SMTNL2: variants seen among roughly 807,000 people sequenced by gnomAD.
SMTNL2 encodes smoothelin like 2.
Under a neutral mutation model 44.1 loss-of-function variants are expected in SMTNL2, and 43 were observed. That is an observed-to-expected ratio of 0.98 (90% CI 0.76 to 1.26). The LOEUF is 1.26. SMTNL2 is among the 50% of genes most tolerant of loss of function. SMTNL2 has a pLI of 0.00. For missense variants in SMTNL2, 646 were observed against 670.2 expected (o/e 0.96, Z 0.40); for synonymous variants, 317 against 287.6 (o/e 1.10, Z -1.03).
chr17:4,588,426 T>TG (rs1226121762), intron 1 of SMTNL2, among the ~76,000 whole-genome samples: 2 of 152,168 alleles, frequency 1.3e-5, no homozygotes, highest in African/African-American at 2.4e-5. Context: ...TGGGGAATCT[T>TG]GGGGGGTACC....
chr17:4,601,832 T>G (rs1349786420), intron 7 of SMTNL2, among the ~76,000 whole-genome samples: 2 of 152,178 alleles, frequency 1.3e-5, no homozygotes, highest in African/African-American at 2.4e-5. Context: ...TTTGAATCAT[T>G]AAAACAAACC....
At chr17:4,584,283 G>T (rs980752055), upstream of SMTNL2, among the ~76,000 whole-genome samples, 1 of 152,170 alleles carries the variant, frequency 6.6e-6, no homozygotes. Flanking sequence ...TACGGTCCAG[G>T]GGGGCCAGGG....
intron 7 of SMTNL2, among the ~76,000 whole-genome samples, chr17:4,605,025 G>A (rs1239334498): frequency 6.6e-6 from 1 of 152,058 alleles, no homozygotes; most frequent in Non-Finnish European, 1.5e-5. Context: ...GCAATGGGAG[G>A]AGTCGGGGTT....
chr17:4,586,364 A>C (rs62066423), intron 1 of SMTNL2, among the ~76,000 whole-genome samples: 1,671 of 152,286 alleles, frequency 0.011, 30 homozygotes, highest in Admixed American at 0.043. Flanking sequence ...CTGTGAGCTC[A>C]CACGTGCCTC....
At position 4,592,609 on chromosome 17, in the gene SMTNL2, T is replaced by C. The variant is rs1209774592; in HGVS notation, c.487+161T>C. 6.6e-6 allele frequency among the ~76,000 whole-genome samples: 1 copy of C among 151,930 alleles called. No individual in the cohort carries two copies. Among genetic ancestry groups the C allele is most frequent in the East Asian group, 1.9e-4 (1 of 5,164 alleles). On this transcript the variant is annotated intron_variant, in intron 2 of 7. Coordinates refer to ENST00000389313, the MANE Select transcript of SMTNL2 (RefSeq NM_001114974.2). The surrounding 1 kb of genome is among the most constrained non-coding windows in gnomAD (Gnocchi z 4.5). ...CTGCCAGGAGAGCAGCGTCATTCAGTAGAACTTGTGAAACACAGAGGGAAG... is the reference window on the plus strand; with the variant it reads ...CTGCCAGGAGAGCAGCGTCATTCAGCAGAACTTGTGAAACACAGAGGGAAG...
Position 4,584,562 on chromosome 17 carries a change from C to T in SMTNL2, c.-44C>T. 2 of 1,217,480 alleles carry T rather than the reference C, an allele frequency of 1.6e-6. No individual in the cohort carries two copies. Among genetic ancestry groups the T allele is most frequent in the East Asian group, 3.3e-5 (1 of 30,078 alleles). 75.4% of individuals were successfully genotyped at this position (1,217,480 alleles called of 1,614,324 possible). A position where few individuals can be genotyped will look rare whatever the true frequency, so the allele number is the denominator to read the frequency against. On this transcript the variant is annotated 5_prime_UTR_variant, in exon 1 of 8. Coordinates refer to ENST00000389313, the MANE Select transcript of SMTNL2 (RefSeq NM_001114974.2). ...CCCGGAGCTGCGGAGCTCGGATCTTCTCCCCCGTCTGGCCCGCTCTCGACC... is the reference window on the plus strand; with the variant it reads ...CCCGGAGCTGCGGAGCTCGGATCTTTTCCCCCGTCTGGCCCGCTCTCGACC...
chr17:4,597,108 A>G (rs983175136), intron 6 of SMTNL2, 64 bp from the exon 7 acceptor site: 15 of 1,576,484 alleles, frequency 9.5e-6, no homozygotes, highest in Non-Finnish European at 1.3e-5. Flanking sequence ...GAACCACGGT[A>G]ATTATGCCTT....
chr17:4,596,990 T>C lies in SMTNL2; in HGVS notation c.1107+13T>C. ...GCTGGGCTACCAGGTGAGCCCCGGCTCCCCTCCGGCTGCTGGGACGCCCCA... is the reference window on the plus strand; with the variant it reads ...GCTGGGCTACCAGGTGAGCCCCGGCCCCCCTCCGGCTGCTGGGACGCCCCA... On this transcript the variant is annotated intron_variant, in intron 6 of 7. Transcript: ENST00000389313. 1.3e-6 allele frequency: 2 copies of C among 1,491,264 alleles called. No homozygotes were observed. The highest frequency in any genetic ancestry group is 1.8e-6 in the Non-Finnish European group (2 of 1,113,824). The allele number at this position is 1,491,264 out of a possible 1,614,324, so 92.4% of individuals were successfully genotyped here. A position where few individuals can be genotyped will look rare whatever the true frequency, so the allele number is the denominator to read the frequency against.
intron 4 of SMTNL2, among the ~76,000 whole-genome samples, chr17:4,594,253 A>T (rs1909707412): frequency 6.6e-6 from 1 of 152,172 alleles, no homozygotes; most frequent in Non-Finnish European, 1.5e-5. Context: ...GTTCGAGACC[A>T]GACTGGCCAA....
chr17:4,584,613 C>A lies in SMTNL2; in HGVS notation c.8C>A (p.Pro3Gln). 1 of 1,241,520 alleles carries A rather than the reference C, an allele frequency of 8.1e-7. No individual in the cohort carries two copies. Among genetic ancestry groups the A allele is most frequent in the Non-Finnish European group, 1.0e-6 (1 of 993,616 alleles). 76.9% of individuals were successfully genotyped at this position (1,241,520 alleles called of 1,614,324 possible). A position where few individuals can be genotyped will look rare whatever the true frequency, so the allele number is the denominator to read the frequency against. ME[P>Q]APDAQEARTV... is the part of the protein sequence containing the mutation. ...CGCGCGCTCTGCTGGGCCATGGAGC[C>A]GGCCCCCGACGCCCAGGAGGCGCGC... Residue 3 changes from proline (P) to glutamine (Q), a missense_variant, in exon 1 of 8, where the codon CCG becomes CAG. Transcript: ENST00000389313.
chr17:4,604,965 C>T (rs1340487045), intron 7 of SMTNL2, among the ~76,000 whole-genome samples: 2 of 152,082 alleles, frequency 1.3e-5, no homozygotes, highest in African/African-American at 4.8e-5. Flanking sequence ...GCCACCGTGC[C>T]CGGCCAGTAT....
At chr17:4,604,923 G>A (rs1350504482) in intron 7 of SMTNL2, among the ~76,000 whole-genome samples, 4 of 151,794 alleles carry the variant, frequency 2.6e-5, no homozygotes, top group African/African-American at 7.3e-5. Flanking sequence ...TGCCCGCCTC[G>A]GCTTCCTAAA....
At chr17:4,588,532 G>T (rs1024381728) in intron 1 of SMTNL2, among the ~76,000 whole-genome samples, 67 of 152,290 alleles carry the variant, frequency 4.4e-4, no homozygotes, top group Non-Finnish European at 8.2e-4. Flanking sequence ...GTTTCCTTCC[G>T]CATGACGGCG....
Position 4,595,558 on chromosome 17 carries a change from G to T in SMTNL2, c.989+231G>T, listed in dbSNP as rs1472022745. 6.6e-6 allele frequency among the ~76,000 whole-genome samples: 1 copy of T among 152,232 alleles called. No homozygotes were observed. The highest frequency in any genetic ancestry group is 1.5e-5 in the Non-Finnish European group (1 of 68,034). ...AGATGGCTGTGAGGCAGGGAGCCAGGAAGGCTTGGTGAGAGCCCCTCTCTC... is the reference window on the plus strand; with the variant it reads ...AGATGGCTGTGAGGCAGGGAGCCAGTAAGGCTTGGTGAGAGCCCCTCTCTC... On this transcript the variant is annotated intron_variant, in intron 5 of 7. Transcript: ENST00000389313. This position sits in a 1 kb window ranked among gnomAD's most constrained non-coding sequence, Gnocchi z 5.1.
chr17:4,593,874 G>A lies in SMTNL2; in HGVS notation c.783G>A (p.Val261=). Residue 261 remains valine, a synonymous_variant, in exon 4 of 8, where the codon GTG becomes GTA. Transcript: ENST00000389313. ...TGCCAAGCTCTGGCTATGGGGCAGTGACAGCAAGCAAACACAGCAATAGGT... is the reference window on the plus strand; with the variant it reads ...TGCCAAGCTCTGGCTATGGGGCAGTAACAGCAAGCAAACACAGCAATAGGT... ...WSVPSSGYGA[V]TASKHSNSPP... The A allele has an allele frequency of 6.2e-7, 1 of 1,614,052 alleles. No homozygotes were observed. Among genetic ancestry groups the A allele is most frequent in the Middle Eastern group, 1.6e-4 (1 of 6,062 alleles).
chr17:4,603,482 T>G (rs181086149), intron 7 of SMTNL2, among the ~76,000 whole-genome samples: 34 of 152,326 alleles, frequency 2.2e-4, no homozygotes, highest in Admixed American at 1.5e-3. Context: ...CAGAGGGTTC[T>G]GAGCTGTCCT....
chr17:4,593,253 G>A (rs373280332), intron 3 of SMTNL2, 82 bp downstream of exon 3: 439 of 1,491,400 alleles, frequency 2.9e-4, no homozygotes, highest in African/African-American at 2.3e-3. Flanking sequence ...AGAGGGAGTC[G>A]GTGGGTGACA....
At chr17:4,584,485 C>T (rs1909254733), upstream of SMTNL2, 8 of 1,129,696 alleles carry the variant, frequency 7.1e-6, no homozygotes, top group African/African-American at 6.5e-5. Flanking sequence ...GCCCCGCGCC[C>T]GCCTCCCCGG....
rs1377827875 is a variant in SMTNL2 at position 4,600,368 on chromosome 17, G to A, written c.1259+3045G>A. On this transcript the variant is annotated intron_variant, in intron 7 of 7. Transcript: ENST00000389313. The surrounding 1 kb of genome is among the most constrained non-coding windows in gnomAD (Gnocchi z 4.7). ...CACAGAGCTAAGAAAGGCAGCCTGG[G>A]GGCAGGCAGGGTGGGATGAGAGGAG... Among the ~76,000 whole-genome samples, 1 of 152,178 alleles carries A rather than the reference G, an allele frequency of 6.6e-6. No individual in the cohort carries two copies. The highest frequency in any genetic ancestry group is 1.5e-5 in the Non-Finnish European group (1 of 68,028).
Sources: gnomAD v4.1 joint callset for allele counts (sites outside exome capture counted in the v4.1 genomes callset) on GRCh38, gnomAD v4.1.1 for gene constraint, Gnocchi (gnomAD v3.1) non-coding constraint, MANE v1.5 for transcripts, NCBI Gene and HGNC (gene_info 2026-07-23, HGNC 2026-07-21) for gene names.